Variants in MROH2B observed in about 807,000 individuals in gnomAD.
MROH2B encodes maestro heat like repeat family member 2B.
Under a neutral mutation model 208.6 loss-of-function variants are expected in MROH2B, and 177 were observed. That is an observed-to-expected ratio of 0.85 (90% CI 0.75 to 0.96). The LOEUF is 0.96. Ranked by LOEUF, MROH2B falls within the 40% of genes least tolerant of loss-of-function variation. MROH2B has a pLI of 0.00. For missense variants in MROH2B, 2,002 were observed against 1,878.7 expected (o/e 1.07, Z -1.21); for synonymous variants, 728 against 659.0 (o/e 1.10, Z -1.60).
rs751753945 is a variant in MROH2B at position 41,048,354 on chromosome 5, G to T, written c.1654C>A (p.Arg552Ser). ...HPKLVDLWKTRLPELLQPLEG... is the reference protein window; with the variant it reads ...HPKLVDLWKTSLPELLQPLEG... The stretch of plus-strand genomic sequence containing the variant: ...AGAGGCTGCAGAAGCTCAGGTAAAC[G>T]TGTTTTCCATAGGTCTACCAATTTT... Residue 552 changes from arginine to serine, a missense_variant, in exon 16 of 42, where the codon CGT (arginine) becomes AGT (serine). Transcript: ENST00000399564. The T allele has an allele frequency of 1.2e-6, 2 of 1,613,374 alleles. No individual in the cohort carries two copies. Among genetic ancestry groups the T allele is most frequent in the South Asian group, 1.1e-5 (1 of 91,030 alleles).
chr5:41,003,392 A>G (rs1472719890), intron 37 of MROH2B, among the ~76,000 whole-genome samples: 1 of 152,240 alleles, frequency 6.6e-6, no homozygotes, highest in African/African-American at 2.4e-5. Flanking sequence ...CTGTGGGCAT[A>G]TATTACAGAC....
intron 24 of MROH2B, among the ~76,000 whole-genome samples, chr5:41,028,212 G>T (rs1348747733): frequency 1.3e-5 from 2 of 152,028 alleles, no homozygotes; most frequent in African/African-American, 2.4e-5. Context: ...CGTAGTAAAA[G>T]GTTACCATAA....
chr5:41,005,183 C>G (rs1308801284), intron 35 of MROH2B: 1 of 535,110 alleles, frequency 1.9e-6, no homozygotes, highest in African/African-American at 1.9e-5. Flanking sequence ...GCAGGGAAAA[C>G]AGGAATGACT....
intron 35 of MROH2B, chr5:41,005,196 T>C (rs983225497): frequency 5.7e-6 from 3 of 530,028 alleles, no homozygotes; most frequent in South Asian, 6.0e-5. Flanking sequence ...GAATGACTGA[T>C]AGTTTTCCTT....
Position 41,018,341 on chromosome 5 carries a change from C to G in MROH2B, c.2763G>C (p.Glu921Asp). ...CTATTCATTCTAGGGGATTACTTAC[C>G]TCAATATCATTTGTCAGCACTTTCG... ...ITAKVLTNDI[E>D]APENFKIGSL... The change falls in exon 27 of 42, where the codon GAG becomes GAC. Residue 921 changes from glutamate to aspartate, a missense_variant and splice_region_variant. Physicochemically the swap from Glu to Asp is conservative, Grantham distance 45. Coordinates refer to ENST00000399564, the MANE Select transcript of MROH2B (RefSeq NM_173489.5). 6.2e-7 allele frequency: 1 copy of G among 1,611,598 alleles called. No homozygotes were observed. Among genetic ancestry groups the G allele is most frequent in the East Asian group, 2.2e-5 (1 of 44,860 alleles).
At chr5:41,024,244 T>C (rs965862031) in intron 24 of MROH2B, among the ~76,000 whole-genome samples, 12 of 152,164 alleles carry the variant, frequency 7.9e-5, no homozygotes, top group African/African-American at 2.7e-4. Flanking sequence ...ACTGGCAAAT[T>C]GGATAAAGAG....
At chr5:41,032,248 T>A (rs974227703) in intron 24 of MROH2B, among the ~76,000 whole-genome samples, 6 of 152,148 alleles carry the variant, frequency 3.9e-5, no homozygotes, top group Non-Finnish European at 8.8e-5. Context: ...TTTGAGTTTT[T>A]AGTAATAGCC....
intron 2 of MROH2B, 106 bp downstream of exon 2, chr5:41,069,585 A>C: frequency 2.4e-6 from 2 of 849,962 alleles, no homozygotes; most frequent in Non-Finnish European, 3.8e-6. Flanking sequence ...AATGCCATGT[A>C]ACAAGCCAGA....
At chr5:41,066,803 T>C (rs1379010269) in intron 3 of MROH2B, among the ~76,000 whole-genome samples, 1 of 152,250 alleles carries the variant, frequency 6.6e-6, no homozygotes, top group Non-Finnish European at 1.5e-5. Flanking sequence ...AATTGGTTTC[T>C]AGTTATGTTA....
rs267600634 is a variant in MROH2B, at chr5:41,061,658, C to A, written c.527G>T (p.Arg176Ile). ...VNHWRDFPYP[R>I]LDANRLSDKI... ...GTCAGACAGTCGGTTGGCATCCAGT[C>A]TGGGGTAGGGAAAATCTCTCCAGTG... Residue 176 changes from arginine to isoleucine, a missense_variant, in exon 6 of 42, where the codon AGA (arginine) becomes ATA (isoleucine). Physicochemically the swap from Arg to Ile is moderately conservative, Grantham distance 97 (BLOSUM62 -3). Coordinates refer to ENST00000399564, the MANE Select transcript of MROH2B (RefSeq NM_173489.5). 6.2e-7 allele frequency: 1 copy of A among 1,613,910 alleles called. No individual in the cohort carries two copies. Among genetic ancestry groups the A allele is most frequent in the Non-Finnish European group, 8.5e-7 (1 of 1,179,846 alleles).
intron 24 of MROH2B, among the ~76,000 whole-genome samples, chr5:41,022,035 A>G (rs971706225): frequency 6.6e-6 from 1 of 152,234 alleles, no homozygotes; most frequent in African/African-American, 2.4e-5. Context: ...TTTAAGGTAT[A>G]CAGCATGATG....
chr5:41,031,039 C>T lies in MROH2B; in HGVS notation c.2441+1703G>A, dbSNP rs943090004. Among the ~76,000 whole-genome samples the T allele has an allele frequency of 1.1e-4, 16 of 152,196 alleles. No individual in the cohort carries two copies. In the East Asian group the frequency reaches 2.3e-3, roughly 22 times the overall value. On this transcript the variant is annotated intron_variant, in intron 24 of 41. Coordinates refer to ENST00000399564, the MANE Select transcript of MROH2B (RefSeq NM_173489.5). ...AATCACATGCAGAGTAGAATCTCAA[C>T]TCTGTTATAAAAATGGAGGACTAGA...
chr5:41,069,691 C>G lies in MROH2B; in HGVS notation c.90G>C (p.Lys30Asn). The G allele has an allele frequency of 6.2e-7, 1 of 1,600,750 alleles. No individual in the cohort carries two copies. Among genetic ancestry groups the G allele is most frequent in the Non-Finnish European group, 8.5e-7 (1 of 1,172,174 alleles). The change falls in exon 2 of 42, where the codon AAG becomes AAC. Residue 30 changes from lysine (K) to asparagine (N), a missense_variant and splice_region_variant. Transcript: ENST00000399564. ...AAAGATTTTTCTCTGTTTTCCCTAC[C>G]TTGTTAACAATATCTTCCTTGTTCA... ...GMLNKEDIVN[K>N]EDIYSHLTSV... is the part of the protein sequence containing the mutation.
At chr5:41,030,566 C>G (rs1742532726) in intron 24 of MROH2B, among the ~76,000 whole-genome samples, 1 of 151,858 alleles carries the variant, frequency 6.6e-6, no homozygotes, top group Non-Finnish European at 1.5e-5. Flanking sequence ...TATACATATT[C>G]AATGCAATTC....
chr5:41,049,287 T>C lies in MROH2B; in HGVS notation c.1494A>G (p.Thr498=), dbSNP rs325863. The part of the protein sequence containing the change: ...AKESTALVVS[T]GAVKLPSPQQ... ...GTTTATGAATGTACAGACCAGCTCCTGTAGAGACGACAAGTGCTGTCGACT... is the reference window on the plus strand; with the variant it reads ...GTTTATGAATGTACAGACCAGCTCCCGTAGAGACGACAAGTGCTGTCGACT... The change falls in exon 14 of 42, where the codon ACA becomes ACG. Residue 498 remains threonine (T), a synonymous_variant. Coordinates refer to ENST00000399564, the MANE Select transcript of MROH2B (RefSeq NM_173489.5). The C allele has an allele frequency of 0.87, 1,404,001 of 1,611,928 alleles. 613,308 individuals are homozygous for C. The highest frequency in any genetic ancestry group is 0.9 in the Middle Eastern group (5,414 of 6,046).
At chr5:41,029,307 T>C (rs1157905721) in intron 24 of MROH2B, among the ~76,000 whole-genome samples, 1 of 152,206 alleles carries the variant, frequency 6.6e-6, no homozygotes, top group African/African-American at 2.4e-5. Context: ...TTGTCCATTT[T>C]TAAATCAGGT....
intron 12 of MROH2B, among the ~76,000 whole-genome samples, 195 bp downstream of exon 12, chr5:41,052,270 A>G (rs1373217551): frequency 1.4e-5 from 1 of 71,456 alleles, no homozygotes; most frequent in Non-Finnish European, 4.0e-5. Flanking sequence ...TAAAAGTGAT[A>G]AGATTAAAAT....
chr5:41,016,311 G>A (rs1038314192), intron 28 of MROH2B, among the ~76,000 whole-genome samples: 14 of 151,838 alleles, frequency 9.2e-5, no homozygotes, highest in South Asian at 2.1e-4. Flanking sequence ...TTCTTCCATC[G>A]GCGAAAATGT....
intron 24 of MROH2B, among the ~76,000 whole-genome samples, chr5:41,025,849 G>A (rs922245557): frequency 2.8e-4 from 42 of 152,118 alleles, no homozygotes; most frequent in Non-Finnish European, 1.2e-4. Flanking sequence ...TGATCAAGTG[G>A]GCTTCATCCC....
Sources: gnomAD v4.1 joint callset for allele counts (sites outside exome capture counted in the v4.1 genomes callset) on GRCh38, gnomAD v4.1.1 for gene constraint, MANE v1.5 for transcripts, NCBI Gene and HGNC (gene_info 2026-07-23, HGNC 2026-07-21) for gene names.